Variants in RGS18 observed in about 807,000 individuals in gnomAD.
The protein encoded by RGS18 is regulator of G protein signaling 18.
A neutral mutation model predicts 27.6 loss-of-function variants in RGS18; 22 were observed. The ratio of observed to expected loss-of-function variants is 0.80; its 90% confidence interval spans 0.57 to 1.14. RGS18 has a LOEUF of 1.14. RGS18 is among the 50% of genes most tolerant of loss of function. The pLI is 0.00. For missense variants in RGS18, 299 were observed against 269.6 expected (o/e 1.11, Z -0.76); for synonymous variants, 89 against 84.6 (o/e 1.05, Z -0.29).
intron 2 of RGS18, among the ~76,000 whole-genome samples, chr1:192,159,625 AC>A (rs1484478543): frequency 6.6e-6 from 1 of 152,198 alleles, no homozygotes; most frequent in Non-Finnish European, 1.5e-5. Context: ...AAGAGTTTTC[AC>A]AATGCAATAT....
Position 192,184,654 on chromosome 1 carries a change from T to G in RGS18, c.*100T>G. 10 of 1,115,564 alleles carry G rather than the reference T, an allele frequency of 9.0e-6. No homozygotes were observed. Among genetic ancestry groups the G allele is most frequent in the Non-Finnish European group, 1.3e-5 (10 of 782,718 alleles). The allele number at this position is 1,115,564 out of a possible 1,614,324, so 69.1% of individuals were successfully genotyped here. ...TTTGGTCCCATCCTTTAAACTGAAATATGTCATGTGAAATTATTTTAAAAA... is the reference window on the plus strand; with the variant it reads ...TTTGGTCCCATCCTTTAAACTGAAAGATGTCATGTGAAATTATTTTAAAAA... On this transcript the variant is annotated 3_prime_UTR_variant, in exon 5 of 5. Coordinates refer to ENST00000367460, the MANE Select transcript of RGS18 (RefSeq NM_130782.3).
rs760961294 is a variant in RGS18, at chr1:192,160,347, T to C, written c.222-31T>C. On this transcript the variant is annotated intron_variant, in intron 2 of 4. Transcript: ENST00000367460. ...ATTCATAAACAGACTTTCTGCACAC[T>C]CCATTATAAAACATTTTGTTTCTTG... The C allele has an allele frequency of 4.7e-6, 7 of 1,488,414 alleles. No individual in the cohort carries two copies. In the South Asian group the frequency reaches 6.9e-5, roughly 15 times the overall value. The allele number at this position is 1,488,414 out of a possible 1,614,324, so 92.2% of individuals were successfully genotyped here.
At chr1:192,163,882 CTT>C (rs1423526662) in intron 3 of RGS18, among the ~76,000 whole-genome samples, 1 of 138,836 alleles carries the variant, frequency 7.2e-6, no homozygotes. Context: ...TTTTTTTTTT[CTT>C]TTTTTTAAAG....
chr1:192,181,304 C>T lies in RGS18; in HGVS notation c.296C>T (p.Ala99Val), dbSNP rs374832373. 1 of 1,509,852 alleles carries T rather than the reference C, an allele frequency of 6.6e-7. No homozygotes were observed. Among genetic ancestry groups the T allele is most frequent in the Non-Finnish European group, 9.0e-7 (1 of 1,112,544 alleles). The allele number at this position is 1,509,852 out of a possible 1,614,324, so 93.5% of individuals were successfully genotyped here. ...ATTTTCTTGATAGATGGACTAGAGGCTTTTACCAGATTTCTTAAAACTGAA... is the reference window on the plus strand; with the variant it reads ...ATTTTCTTGATAGATGGACTAGAGGTTTTTACCAGATTTCTTAAAACTGAA... ...KLLSHRDGLEAFTRFLKTEFS... is the reference protein window; with the variant it reads ...KLLSHRDGLEVFTRFLKTEFS... Residue 99 changes from alanine (A) to valine (V), a missense_variant, in exon 4 of 5, where the codon GCT becomes GTT. Ala to Val is a moderately conservative substitution (Grantham distance 64, BLOSUM62 0). Coordinates refer to ENST00000367460, the MANE Select transcript of RGS18 (RefSeq NM_130782.3).
At chr1:192,164,536 A>T (rs972014338) in intron 3 of RGS18, among the ~76,000 whole-genome samples, 1 of 152,212 alleles carries the variant, frequency 6.6e-6, no homozygotes, top group African/African-American at 2.4e-5. Context: ...TATAAACTTC[A>T]GTTCAAAATT....
At chr1:192,183,281 G>A (rs896839507) in intron 4 of RGS18, among the ~76,000 whole-genome samples, 6 of 151,528 alleles carry the variant, frequency 4.0e-5, no homozygotes, top group Non-Finnish European at 7.4e-5. Flanking sequence ...AGGCATTAAA[G>A]AATTTTATAT....
At chr1:192,172,866 TATATATATATATATATAA>T (rs928989250) in intron 3 of RGS18, among the ~76,000 whole-genome samples, 36 of 132,334 alleles carry the variant, frequency 2.7e-4, no homozygotes, top group Non-Finnish European at 5.2e-4. Context: ...AAAATATGCA[TATATATATATATATATAA>T]ATATATATAT....
Position 192,184,460 on chromosome 1 carries a change from G to A in RGS18, c.614G>A (p.Arg205Lys). The A allele has an allele frequency of 6.2e-7, 1 of 1,611,692 alleles. No homozygotes were observed. ...ATCTATTTAGACTTGATGGAAGGAA[G>A]ACCTCAGAGACCAACAAATCTTAGG... ...SDIYLDLMEG[R>K]PQRPTNLRRR... Residue 205 changes from arginine (R) to lysine (K), a missense_variant, in exon 5 of 5, where the codon AGA (arginine) becomes AAA (lysine). Arg to Lys is a conservative substitution (Grantham distance 26, BLOSUM62 2). Transcript: ENST00000367460.
intron 3 of RGS18, among the ~76,000 whole-genome samples, chr1:192,162,086 G>C (rs1422408725): frequency 6.6e-6 from 1 of 152,178 alleles, no homozygotes; most frequent in Non-Finnish European, 1.5e-5. Context: ...AGAATGGAGA[G>C]TTATGGTAAG....
chr1:192,184,001 A>G (rs571337344), intron 4 of RGS18, among the ~76,000 whole-genome samples: 1 of 151,656 alleles, frequency 6.6e-6, no homozygotes, highest in East Asian at 2.0e-4. Flanking sequence ...ACACACTTTT[A>G]AACAGCCAGA....
intron 4 of RGS18, among the ~76,000 whole-genome samples, 158 bp from the exon 5 acceptor site, chr1:192,184,139 A>T (rs1195470966): frequency 1.3e-5 from 2 of 151,612 alleles, no homozygotes; most frequent in Non-Finnish European, 3.0e-5. Flanking sequence ...TGGGGATTAC[A>T]ATTAAACATG....
Position 192,184,435 on chromosome 1 carries a change from A to G in RGS18, c.589A>G (p.Ile197Val), listed in dbSNP as rs897566319. 9.9e-6 allele frequency: 16 copies of G among 1,611,902 alleles called. No individual in the cohort carries two copies. Among genetic ancestry groups the G allele is most frequent in the East Asian group, 2.2e-5 (1 of 44,790 alleles). ...TTATACACGTTTTCTGAAATCTGACATCTATTTAGACTTGATGGAAGGAAG... is the reference window on the plus strand; with the variant it reads ...TTATACACGTTTTCTGAAATCTGACGTCTATTTAGACTTGATGGAAGGAAG... ...DSYTRFLKSDIYLDLMEGRPQ... is the reference protein window; with the variant it reads ...DSYTRFLKSDVYLDLMEGRPQ... The change falls in exon 5 of 5, where the codon ATC becomes GTC. Residue 197 changes from isoleucine (I) to valine (V), a missense_variant. By Grantham distance (29) the Ile-to-Val change is conservative. Coordinates refer to ENST00000367460, the MANE Select transcript of RGS18 (RefSeq NM_130782.3).
Position 192,158,493 on chromosome 1 carries a change from C to A in RGS18, c.-145C>A. ...GCATTTCTGCAGAGACAGAAAGAAA[C>A]GCAGCTCTTGACTTCTTTTTTGTAA... On this transcript the variant is annotated 5_prime_UTR_variant, in exon 1 of 5. Coordinates refer to ENST00000367460, the MANE Select transcript of RGS18 (RefSeq NM_130782.3). 3.1e-6 allele frequency: 2 copies of A among 654,882 alleles called. No individual in the cohort carries two copies. The highest frequency in any genetic ancestry group is 4.5e-6 in the Non-Finnish European group (2 of 446,432). 40.6% of individuals were successfully genotyped at this position (654,882 alleles called of 1,614,324 possible). A position where few individuals can be genotyped will look rare whatever the true frequency, so the allele number is the denominator to read the frequency against.
At chr1:192,176,138 G>A (rs1013632956) in intron 3 of RGS18, among the ~76,000 whole-genome samples, 3 of 151,738 alleles carry the variant, frequency 2.0e-5, no homozygotes, top group Non-Finnish European at 4.4e-5. Context: ...AGGTTATTCT[G>A]GTCAATTTCT....
intron 3 of RGS18, among the ~76,000 whole-genome samples, chr1:192,162,964 G>A (rs898273640): frequency 7.2e-5 from 11 of 152,114 alleles, no homozygotes; most frequent in African/African-American, 2.2e-4. Flanking sequence ...CACATCCCCT[G>A]GAAAAGAATA....
At chr1:192,163,149 C>T (rs1027890074) in intron 3 of RGS18, 1 of 152,182 alleles carries the variant, frequency 6.6e-6, no homozygotes, top group Non-Finnish European at 1.5e-5. Context: ...AAATAGATTT[C>T]TGTCAGGATT....
chr1:192,179,720 A>G (rs998336961), intron 3 of RGS18, among the ~76,000 whole-genome samples: 4 of 151,554 alleles, frequency 2.6e-5, no homozygotes, highest in African/African-American at 4.8e-5. Context: ...AACATATACT[A>G]CATGATTTAA....
At chr1:192,180,036 A>G (rs1656424614) in intron 3 of RGS18, among the ~76,000 whole-genome samples, 1 of 151,646 alleles carries the variant, frequency 6.6e-6, no homozygotes, top group African/African-American at 2.4e-5. Context: ...AAAAAAGTTT[A>G]ACTTTTACAA....
intron 3 of RGS18, chr1:192,168,403 A>G (rs955268139): frequency 2.6e-5 from 4 of 152,180 alleles, no homozygotes; most frequent in African/African-American, 9.7e-5. Context: ...TAGTTAATGC[A>G]TCATGAGCAC....
Sources: gnomAD v4.1 joint callset for allele counts (sites outside exome capture counted in the v4.1 genomes callset) on GRCh38, gnomAD v4.1.1 for gene constraint, MANE v1.5 for transcripts, NCBI Gene and HGNC (gene_info 2026-07-23, HGNC 2026-07-21) for gene names.